The following ITPRID1 variants were observed in gnomAD, a reference collection of about 807,000 sequenced individuals.
ITPRID1 encodes the protein protein ITPRID1.
Under a neutral mutation model 95.4 loss-of-function variants are expected in ITPRID1, and 96 were observed. The observed-to-expected ratio is 1.01, with a 90% CI of 0.85 to 1.19. The LOEUF (loss-of-function observed/expected upper bound fraction) is 1.19, where lower values mean the gene tolerates loss of function less well. Ranked by LOEUF, ITPRID1 falls within the 50% of genes most tolerant of loss-of-function variation. ITPRID1 has a pLI of 0.00. For synonymous variants in ITPRID1, 510 were observed against 453.6 expected (o/e 1.12, Z -1.58); for missense variants, 1,339 against 1,252.9 (o/e 1.07, Z -1.04).
chr7:31,554,434 G>A, intron 3 of ITPRID1, 41 bp from the exon 4 acceptor site: 1 of 1,601,992 alleles, frequency 6.2e-7, no homozygotes, highest in Non-Finnish European at 8.5e-7. Context: ...CTTTTAGCTG[G>A]TTGTGCTTTG....
intron 10 of ITPRID1, among the ~76,000 whole-genome samples, chr7:31,597,305 A>G (rs1401807279): frequency 6.6e-6 from 1 of 152,048 alleles, no homozygotes; most frequent in Non-Finnish European, 1.5e-5. Context: ...TCAATAAGGT[A>G]AGAATTTATA....
intron 1 of ITPRID1, among the ~76,000 whole-genome samples, chr7:31,532,073 AGTT>A (rs1261900433): frequency 2.6e-5 from 4 of 152,146 alleles, no homozygotes; most frequent in Non-Finnish European, 5.9e-5. Flanking sequence ...CCACCAAGAG[AGTT>A]TCCCTATTGG....
intron 1 of ITPRID1, among the ~76,000 whole-genome samples, chr7:31,531,042 G>A (rs1783581480): frequency 1.3e-5 from 2 of 152,188 alleles, no homozygotes; most frequent in Non-Finnish European, 2.9e-5. Flanking sequence ...GAAAACTCCA[G>A]GGCTGGTCAT....
At chr7:31,516,890 A>G (rs916805937) in intron 1 of ITPRID1, among the ~76,000 whole-genome samples, 5 of 152,166 alleles carry the variant, frequency 3.3e-5, no homozygotes, top group Non-Finnish European at 7.3e-5. Flanking sequence ...CACAGTTCTT[A>G]AAAATGGTGT....
rs575440318 is a variant in ITPRID1, at chr7:31,570,121, T to C, written c.308+312T>C. 5.9e-5 allele frequency among the ~76,000 whole-genome samples: 9 copies of C among 152,354 alleles called. No homozygotes were observed. The East Asian group carries it at 1.7e-3, about 29-fold the overall frequency. ...CATAAGGACCTGTTTATAAAACAGT[T>C]GCATTCAATATTTTCATTTTGGCTA... On this transcript the variant is annotated intron_variant, in intron 6 of 14. Coordinates refer to ENST00000615280, the MANE Select transcript of ITPRID1 (RefSeq NM_001257967.3).
intron 12 of ITPRID1, among the ~76,000 whole-genome samples, chr7:31,650,790 A>G (rs1790876816): frequency 6.6e-6 from 1 of 152,212 alleles, no homozygotes; most frequent in Admixed American, 6.5e-5. Flanking sequence ...AAGATTAAAC[A>G]GACTCAATTT....
chr7:31,515,091 C>A (rs1450646218), intron 1 of ITPRID1, among the ~76,000 whole-genome samples: 1 of 151,848 alleles, frequency 6.6e-6, no homozygotes, highest in East Asian at 1.9e-4. Context: ...TAACTCATAA[C>A]TTTACCAGAC....
intron 1 of ITPRID1, among the ~76,000 whole-genome samples, chr7:31,531,344 A>G (rs1583465325): frequency 6.6e-6 from 1 of 151,370 alleles, no homozygotes; most frequent in South Asian, 2.1e-4. Flanking sequence ...AATATTTTTA[A>G]GAGTACCTAA....
chr7:31,537,135 T>TGTG (rs1783788235), intron 1 of ITPRID1, among the ~76,000 whole-genome samples: 1 of 114,172 alleles, frequency 8.8e-6, no homozygotes. Context: ...GTGTGTGTGT[T>TGTG]TCCCCTTCCA....
At chr7:31,569,664 A>G in intron 5 of ITPRID1, 94 bp from the exon 6 acceptor site, 2 of 1,060,996 alleles carry the variant, frequency 1.9e-6, no homozygotes, top group Non-Finnish European at 2.8e-6. Flanking sequence ...TGGATATGGA[A>G]ATTCAATTCT....
At position 31,552,022 on chromosome 7, in the gene ITPRID1, A is replaced by G. The variant is rs1784298656; in HGVS notation, c.-23-980A>G. ...TGCCAAAAATCCAGTTAAATTCTAG[A>G]GATACATAAATGAGTAAGAGAATGG... On this transcript the variant is annotated intron_variant, in intron 2 of 14. Coordinates refer to ENST00000615280, the MANE Select transcript of ITPRID1 (RefSeq NM_001257967.3). 5.5e-6 allele frequency: 2 copies of G among 365,680 alleles called. 1 individual carries two copies. Among genetic ancestry groups the G allele is most frequent in the Non-Finnish European group, 1.1e-5 (2 of 180,224 alleles). 22.7% of individuals were successfully genotyped at this position (365,680 alleles called of 1,614,324 possible). A position where few individuals can be genotyped will look rare whatever the true frequency, so the allele number is the denominator to read the frequency against.
intron 1 of ITPRID1, among the ~76,000 whole-genome samples, chr7:31,521,416 T>C (rs1233732410): frequency 6.6e-6 from 1 of 152,220 alleles, no homozygotes; most frequent in African/African-American, 2.4e-5. Flanking sequence ...GATTCTATCA[T>C]GGCATGAGAA....
At chr7:31,638,159 A>G (rs531638710) in intron 10 of ITPRID1, among the ~76,000 whole-genome samples, 101 of 152,322 alleles carry the variant, frequency 6.6e-4, no homozygotes, top group African/African-American at 2.3e-3. Context: ...ATCATCATGA[A>G]TTTTGTACCC....
chr7:31,638,759 TTTTC>T (rs1462308031), intron 10 of ITPRID1, among the ~76,000 whole-genome samples: 2 of 152,062 alleles, frequency 1.3e-5, no homozygotes, highest in Admixed American at 6.6e-5. Context: ...GTTGGGTAAT[TTTTC>T]TTTCTTTTGT....
At position 31,617,627 on chromosome 7, in the gene ITPRID1, A is replaced by ATGATTTAATGCTCCATCTTTT. The variant is rs1787385511; in HGVS notation, c.1229-24548_1229-24528dup. ...TTTAGAGACAACTTTTACCTTCTAA[A>ATGATTTAATGCTCCATCTTTT]TGATTTAATGCTCCATCTTTTAAAG... On this transcript the variant is annotated intron_variant, in intron 10 of 14. Transcript: ENST00000615280. Among the ~76,000 whole-genome samples, 3 of 128,542 alleles carry ATGATTTAATGCTCCATCTTTT rather than the reference A, an allele frequency of 2.3e-5. No homozygotes were observed. The South Asian group carries it at 8.6e-4, about 37-fold the overall frequency. The allele number at this position is 128,542 out of a possible 152,430, so 84.3% of individuals were successfully genotyped here.
At chr7:31,549,263 C>A (rs548822939) in intron 1 of ITPRID1, among the ~76,000 whole-genome samples, 163 bp from the exon 2 acceptor site, 138 of 152,256 alleles carry the variant, frequency 9.1e-4, no homozygotes, top group African/African-American at 3.2e-3. Flanking sequence ...TTCTCATGGT[C>A]ACAGAAATAC....
chr7:31,646,081 G>GA (rs1312236772), intron 12 of ITPRID1, among the ~76,000 whole-genome samples: 1 of 152,044 alleles, frequency 6.6e-6, no homozygotes, highest in Non-Finnish European at 1.5e-5. Context: ...TGCACATCCC[G>GA]AAAAAAGATT....
At chr7:31,514,805 T>TAC (rs1480130515) in intron 1 of ITPRID1, among the ~76,000 whole-genome samples, 1 of 152,096 alleles carries the variant, frequency 6.6e-6, no homozygotes, top group Non-Finnish European at 1.5e-5. Context: ...TATTTGCACA[T>TAC]ATATATACAC....
chr7:31,593,238 G>C (rs1164938704), intron 10 of ITPRID1, among the ~76,000 whole-genome samples: 1 of 151,996 alleles, frequency 6.6e-6, no homozygotes, highest in Non-Finnish European at 1.5e-5. Context: ...CTGGGAAGTG[G>C]GGTTGCAGTG....
Sources: gnomAD v4.1 joint callset for allele counts (sites outside exome capture counted in the v4.1 genomes callset) on GRCh38, gnomAD v4.1.1 for gene constraint, MANE v1.5 for transcripts, NCBI Gene and HGNC (gene_info 2026-07-23, HGNC 2026-07-21) for gene names.